Variants in IQCM observed in about 807,000 individuals in gnomAD.
The protein encoded by IQCM is IQ motif containing M, also known as IQ domain-containing protein M.
In IQCM, 45 loss-of-function variants were observed where a neutral mutation model predicts 57.6. The observed-to-expected ratio is 0.78, with a 90% CI of 0.62 to 1.00. The LOEUF (loss-of-function observed/expected upper bound fraction) is 1.00. IQCM is among the 50% of genes least tolerant of loss of function. IQCM has a pLI of 0.00. For missense variants in IQCM, 468 were observed against 511.6 expected (o/e 0.91, Z 0.82); for synonymous variants, 148 against 158.9 (o/e 0.93, Z 0.51).
At chr4:149,451,156 T>C (rs977149853) in intron 12 of IQCM, among the ~76,000 whole-genome samples, 2 of 151,540 alleles carry the variant, frequency 1.3e-5, no homozygotes, top group African/African-American at 4.8e-5. Flanking sequence ...CTCATGGAGA[T>C]AGAGAGTAGA....
chr4:149,638,418 A>G (rs989470244), intron 7 of IQCM, among the ~76,000 whole-genome samples: 2 of 152,078 alleles, frequency 1.3e-5, no homozygotes, highest in Admixed American at 1.3e-4. Flanking sequence ...TATTAAAAAA[A>G]TGAATACATA....
chr4:149,604,064 A>G (rs1031436598), intron 8 of IQCM, among the ~76,000 whole-genome samples: 3 of 152,150 alleles, frequency 2.0e-5, no homozygotes, highest in Non-Finnish European at 4.4e-5. Context: ...TTCATAATAT[A>G]TATAAAGGTA....
intron 7 of IQCM, among the ~76,000 whole-genome samples, chr4:149,677,005 G>A (rs1284929918): frequency 6.6e-6 from 1 of 151,990 alleles, no homozygotes; most frequent in African/African-American, 2.4e-5. Context: ...ACTTCATGTA[G>A]GCAGTAAGAA....
intron 7 of IQCM, among the ~76,000 whole-genome samples, chr4:149,674,301 C>A (rs1434965573): frequency 6.6e-6 from 1 of 152,010 alleles, no homozygotes; most frequent in African/African-American, 2.4e-5. Flanking sequence ...AAATAAAATG[C>A]CAGTATCTTA....
chr4:149,654,841 C>G (rs572604147), intron 7 of IQCM, among the ~76,000 whole-genome samples: 1 of 152,146 alleles, frequency 6.6e-6, no homozygotes, highest in South Asian at 2.1e-4. Context: ...TTAAATAATA[C>G]ATTATATTTA....
intron 2 of IQCM, among the ~76,000 whole-genome samples, chr4:149,747,547 A>G (rs1027704897): frequency 6.6e-6 from 1 of 152,234 alleles, no homozygotes; most frequent in Non-Finnish European, 1.5e-5. Context: ...TTTAAAAAAT[A>G]TTTTCAATCC....
intron 8 of IQCM, among the ~76,000 whole-genome samples, chr4:149,611,061 G>A (rs906572082): frequency 1.3e-5 from 2 of 151,964 alleles, no homozygotes; most frequent in Non-Finnish European, 2.9e-5. Flanking sequence ...TATCTGAATA[G>A]ACATTTCTCA....
At chr4:149,415,096 T>C (rs1578981965) in intron 13 of IQCM, among the ~76,000 whole-genome samples, 1 of 152,234 alleles carries the variant, frequency 6.6e-6, no homozygotes, top group African/African-American at 2.4e-5. Flanking sequence ...ATGTCAATTA[T>C]GCTGGAAAAA....
intron 7 of IQCM, among the ~76,000 whole-genome samples, chr4:149,655,620 A>T (rs1759570178): frequency 6.6e-6 from 1 of 152,156 alleles, no homozygotes. Flanking sequence ...TTATAATTCA[A>T]CATAAAGCCT....
intron 7 of IQCM, among the ~76,000 whole-genome samples, chr4:149,675,996 TAGC>T: frequency 6.6e-6 from 1 of 152,182 alleles, no homozygotes; most frequent in African/African-American, 2.4e-5. Flanking sequence ...AGAGCATTAT[TAGC>T]TTTTTTTCTT....
At chr4:149,762,748 A>T (rs866207102) in intron 2 of IQCM, among the ~76,000 whole-genome samples, 1 of 152,072 alleles carries the variant, frequency 6.6e-6, no homozygotes, top group African/African-American at 2.4e-5. Flanking sequence ...AGCCTATTCA[A>T]TTGTAAGTCA....
intron 12 of IQCM, among the ~76,000 whole-genome samples, chr4:149,490,265 G>A (rs1741953937): frequency 6.6e-6 from 1 of 151,888 alleles, no homozygotes; most frequent in Non-Finnish European, 1.5e-5. Context: ...AGATACATAT[G>A]TTTTGATAAG....
At chr4:149,662,101 C>G (rs945831999) in intron 7 of IQCM, among the ~76,000 whole-genome samples, 1 of 151,978 alleles carries the variant, frequency 6.6e-6, no homozygotes, top group Non-Finnish European at 1.5e-5. Context: ...TCTGATATAA[C>G]TGCTTTTGCT....
At position 149,583,693 on chromosome 4, in the gene IQCM, G is replaced by C. The variant is rs541591681; in HGVS notation, c.749+4237C>G. ...CTAAACAAATTCAAGTGGACCTCAA[G>C]GAACATTATGTATAAAGTATTTTTT... On this transcript the variant is annotated intron_variant, in intron 9 of 13. Coordinates refer to ENST00000636793, the MANE Select transcript of IQCM (RefSeq NM_001363507.2). Among the ~76,000 whole-genome samples the C allele has an allele frequency of 3.6e-4, 54 of 151,546 alleles. 1 individual carries two copies. In the South Asian group the frequency reaches 0.011, roughly 31 times the overall value.
rs144816802 is a variant in IQCM, at chr4:149,755,237, G to A, written c.-48-12498C>T. 4.6e-5 allele frequency among the ~76,000 whole-genome samples: 7 copies of A among 152,232 alleles called. No individual in the cohort carries two copies. In the East Asian group the frequency reaches 1.4e-3, roughly 29 times the overall value. On this transcript the variant is annotated intron_variant, in intron 2 of 13. Transcript: ENST00000636793. ...ACCTACTCCCAACCCAGCAACCAGA[G>A]TTATTCAAATAAAACATAGGTCAGA...
At chr4:149,596,086 T>C (rs907677173) in intron 8 of IQCM, among the ~76,000 whole-genome samples, 8 of 152,130 alleles carry the variant, frequency 5.3e-5, no homozygotes, top group African/African-American at 1.7e-4. Flanking sequence ...AGAAATTTAA[T>C]CATTTATGTA....
chr4:149,426,061 C>G (rs1734440254), intron 13 of IQCM, among the ~76,000 whole-genome samples: 1 of 151,984 alleles, frequency 6.6e-6, no homozygotes, highest in Non-Finnish European at 1.5e-5. Flanking sequence ...TTTCCCCACA[C>G]TCCTAAGAAT....
chr4:149,628,494 T>A lies in IQCM; in HGVS notation c.566-7250A>T, dbSNP rs567352778. On this transcript the variant is annotated intron_variant, in intron 7 of 13. Coordinates refer to ENST00000636793, the MANE Select transcript of IQCM (RefSeq NM_001363507.2). ...CTGGATTTGGCAAGCACTCCTAGAA[T>A]GCAGAAGAAAAGCATCAAAGATGAG... Among the ~76,000 whole-genome samples the A allele has an allele frequency of 8.5e-5, 13 of 152,182 alleles. 1 individual carries two copies. The highest frequency in any genetic ancestry group is 6.8e-3 in the Middle Eastern group (2 of 294).
intron 2 of IQCM, among the ~76,000 whole-genome samples, chr4:149,754,480 C>T (rs150119841): frequency 1.3e-5 from 2 of 152,310 alleles, no homozygotes; most frequent in Non-Finnish European, 2.9e-5. Context: ...GGGAATGCAA[C>T]CTGCCATTCT....
Sources: gnomAD v4.1 joint callset for allele counts (sites outside exome capture counted in the v4.1 genomes callset) on GRCh38, gnomAD v4.1.1 for gene constraint, MANE v1.5 for transcripts, NCBI Gene and HGNC (gene_info 2026-07-23, HGNC 2026-07-21) for gene names.